DISC1: variants seen among roughly 807,000 people sequenced by gnomAD.
DISC1 encodes disrupted in schizophrenia 1 protein.
DISC1 carries 57 observed loss-of-function variants against 84.5 expected under a neutral mutation model. The observed-to-expected ratio is 0.67, with a 90% confidence interval of 0.55 to 0.84. The LOEUF is 0.84. Among genes scored for constraint, DISC1 ranks in the 40% least tolerant of loss-of-function variants. DISC1 has a pLI of 0.00. For missense variants in DISC1, 1,000 were observed against 1,057.8 expected (o/e 0.95, Z 0.76); for synonymous variants, 411 against 415.2 (o/e 0.99, Z 0.12).
At chr1:231,931,630 T>C (rs190897372) in intron 9 of DISC1, among the ~76,000 whole-genome samples, 17 of 149,388 alleles carry the variant, frequency 1.1e-4, no homozygotes, top group African/African-American at 3.9e-4. Context: ...TAGCTCAGTT[T>C]TGACACTGCT....
intron 12 of DISC1, among the ~76,000 whole-genome samples, chr1:232,027,436 A>C (rs1669583047): frequency 6.6e-6 from 1 of 152,192 alleles, no homozygotes; most frequent in South Asian, 2.1e-4. Context: ...AAACACCTTC[A>C]TCAAAACTAG....
chr1:231,803,475 T>C (rs922994126), intron 8 of DISC1, among the ~76,000 whole-genome samples: 2 of 152,254 alleles, frequency 1.3e-5, no homozygotes, highest in African/African-American at 4.8e-5. Context: ...AGACACACTT[T>C]GGAGCTGCAG....
chr1:231,971,692 T>C (rs903044943), intron 10 of DISC1, among the ~76,000 whole-genome samples: 8 of 152,306 alleles, frequency 5.3e-5, no homozygotes, highest in African/African-American at 1.9e-4. Flanking sequence ...AAATCCCTTA[T>C]CACAACTGCC....
At chr1:231,986,295 G>A (rs12066853) in intron 10 of DISC1, among the ~76,000 whole-genome samples, 1 of 152,174 alleles carries the variant, frequency 6.6e-6, no homozygotes, top group East Asian at 1.9e-4. Flanking sequence ...TGTGGACTTA[G>A]AGGCAGATAT....
intron 9 of DISC1, among the ~76,000 whole-genome samples, chr1:231,853,295 G>A (rs999771349): frequency 1.2e-4 from 19 of 152,138 alleles, no homozygotes; most frequent in Admixed American, 3.3e-4. Context: ...GAAATGCATC[G>A]TTAGGCAATT....
intron 9 of DISC1, among the ~76,000 whole-genome samples, chr1:231,896,752 G>C (rs559819263): frequency 6.6e-5 from 10 of 152,318 alleles, no homozygotes; most frequent in Admixed American, 6.5e-5. Context: ...GATTGAGGAA[G>C]ATTGTATCTA....
At chr1:231,947,286 C>T (rs1424507045) in intron 9 of DISC1, among the ~76,000 whole-genome samples, 7 of 151,176 alleles carry the variant, frequency 4.6e-5, no homozygotes, top group African/African-American at 1.2e-4. Context: ...AGAACAGGGG[C>T]CTCAGAAATA....
In DISC1 at chr1:231,962,259, CT is replaced by C. The variant is rs1453016607; in HGVS notation, c.2042+3373del. ...TTTCTTTGTCAAATTGTTTAAGTTC[CT>C]TATGGATTCTGGATATTAGACCTTT... On this transcript the variant is annotated intron_variant, in intron 10 of 12. Transcript: ENST00000439617. Among the ~76,000 whole-genome samples, 10 of 152,100 alleles carry C rather than the reference CT, an allele frequency of 6.6e-5. No homozygotes were observed. The East Asian group carries it at 1.9e-3, about 29-fold the overall frequency.
At chr1:231,705,317 TC>T (rs2066938819) in intron 3 of DISC1, among the ~76,000 whole-genome samples, 1 of 39,816 alleles carries the variant, frequency 2.5e-5, no homozygotes, top group Non-Finnish European at 4.5e-5. Context: ...AAAAAAAAAA[TC>T]ATTAAAAAAA....
intron 1 of DISC1, among the ~76,000 whole-genome samples, chr1:231,652,498 T>G (rs2125298416): frequency 6.6e-6 from 1 of 152,330 alleles, no homozygotes; most frequent in African/African-American, 2.4e-5. Context: ...ACACATTTAC[T>G]GCTCAAACAT....
At chr1:231,689,529 G>A (rs1977794) in intron 1 of DISC1, among the ~76,000 whole-genome samples, 57,308 of 151,550 alleles carry the variant, frequency 0.38, 11,245 homozygotes, top group African/African-American at 0.49. Context: ...ATGGGGCCTC[G>A]CCATGTTGCC....
intron 2 of DISC1, among the ~76,000 whole-genome samples, chr1:231,700,359 GT>G (rs534577382): frequency 6.6e-6 from 1 of 152,064 alleles, no homozygotes; most frequent in African/African-American, 2.4e-5. Flanking sequence ...TTTATTTTCT[GT>G]TTTTTATGAT....
chr1:231,999,639 T>C (rs1666398344), intron 10 of DISC1, among the ~76,000 whole-genome samples: 1 of 152,108 alleles, frequency 6.6e-6, no homozygotes, highest in South Asian at 2.1e-4. Flanking sequence ...TCTGCCACAG[T>C]AGGTACCCAG....
chr1:232,020,805 G>T (rs1668890060), intron 11 of DISC1, among the ~76,000 whole-genome samples: 1 of 152,138 alleles, frequency 6.6e-6, no homozygotes, highest in African/African-American at 2.4e-5. Context: ...TTTCTATGAA[G>T]GCTTAGCAAA....
At chr1:232,007,315 G>T (rs1274240527) in intron 10 of DISC1, among the ~76,000 whole-genome samples, 88 of 152,188 alleles carry the variant, frequency 5.8e-4, no homozygotes, top group Non-Finnish European at 2.9e-5. Flanking sequence ...AAAAGCTGCA[G>T]ACACTCAGTG....
At chr1:231,704,291 A>G (rs1202520947) in intron 3 of DISC1, among the ~76,000 whole-genome samples, 4 of 152,200 alleles carry the variant, frequency 2.6e-5, no homozygotes, top group Admixed American at 2.6e-4. Flanking sequence ...AGGTGGGCTT[A>G]GTTCTCAGCT....
chr1:231,744,582 G>T (rs2073749863), intron 3 of DISC1, among the ~76,000 whole-genome samples: 3 of 151,722 alleles, frequency 2.0e-5, no homozygotes, highest in Admixed American at 1.3e-4. Context: ...TTTTCCATAA[G>T]AAACAAAGGT....
intron 4 of DISC1, among the ~76,000 whole-genome samples, chr1:231,752,584 G>T (rs1248087714): frequency 6.6e-6 from 1 of 152,174 alleles, no homozygotes; most frequent in Admixed American, 6.5e-5. Flanking sequence ...TGGGGACACA[G>T]ATCCAAACCA....
chr1:231,963,141 C>T (rs367753726), intron 10 of DISC1, among the ~76,000 whole-genome samples: 97 of 152,208 alleles, frequency 6.4e-4, no homozygotes, highest in African/African-American at 2.1e-3. Flanking sequence ...TACCATGGTT[C>T]ATGGCATTCT....
Sources: gnomAD v4.1 joint callset for allele counts (sites outside exome capture counted in the v4.1 genomes callset) on GRCh38, gnomAD v4.1.1 for gene constraint, MANE v1.5 for transcripts, NCBI Gene and HGNC (gene_info 2026-07-23, HGNC 2026-07-21) for gene names.